Variants in TMEM163 observed in about 807,000 individuals in gnomAD.
TMEM163 encodes the protein transmembrane protein 163.
Under a neutral mutation model 29.3 loss-of-function variants are expected in TMEM163, and 17 were observed. The ratio of observed to expected loss-of-function variants is 0.58; its 90% CI spans 0.40 to 0.87. The LOEUF (loss-of-function observed/expected upper bound fraction) is 0.87. Ranked by LOEUF, TMEM163 falls within the 40% of genes least tolerant of loss-of-function variation. The pLI is 0.00. For synonymous variants in TMEM163, 157 were observed against 160.6 expected, an observed-to-expected ratio of 0.98 and a Z score of 0.17; for missense variants, 303 against 381.5, an observed-to-expected ratio of 0.79 and a Z score of 1.71.
intron 2 of TMEM163, among the ~76,000 whole-genome samples, chr2:134,614,832 C>A (rs949830558): frequency 2.0e-5 from 3 of 151,134 alleles, no homozygotes; most frequent in African/African-American, 7.3e-5. Context: ...CCAGCCTGTG[C>A]GACAGAGTGA....
chr2:134,618,026 A>G (rs567947938), intron 2 of TMEM163, among the ~76,000 whole-genome samples: 65 of 152,220 alleles, frequency 4.3e-4, no homozygotes, highest in African/African-American at 1.5e-3. Context: ...ATGTGGGAGG[A>G]TCACTTGAGC....
intron 2 of TMEM163, among the ~76,000 whole-genome samples, chr2:134,683,347 G>A (rs1684287528): frequency 6.6e-6 from 1 of 151,698 alleles, no homozygotes; most frequent in Non-Finnish European, 1.5e-5. Flanking sequence ...GTTTATGGGG[G>A]CAGAGTATAT....
rs1271684170 is a variant in TMEM163, at chr2:134,652,209, CTT to C, written c.322+60989_322+60990del. Among the ~76,000 whole-genome samples the C allele has an allele frequency of 1.2e-4, 10 of 85,372 alleles. 1 individual carries two copies. The highest frequency in any genetic ancestry group is 5.1e-4 in the African/African-American group (9 of 17,726). The allele number at this position is 85,372 out of a possible 152,430, so 56.0% of individuals were successfully genotyped here. A position where few individuals can be genotyped will look rare whatever the true frequency, so the allele number is the denominator to read the frequency against. ...ATGTTCTTCCATTTGTTTGTATCCT[CTT>C]TTATTTCCTTGAGCAGTGATTTGTA... On this transcript the variant is annotated intron_variant, in intron 2 of 7. Coordinates refer to ENST00000281924, the MANE Select transcript of TMEM163 (RefSeq NM_030923.5).
intron 2 of TMEM163, among the ~76,000 whole-genome samples, chr2:134,575,883 C>T (rs186772637): frequency 2.6e-5 from 4 of 152,122 alleles, no homozygotes; most frequent in Admixed American, 6.5e-5. Context: ...AAAGGACAGG[C>T]CCCAGGAAGA....
At chr2:134,464,614 C>T (rs973462578) in intron 6 of TMEM163, among the ~76,000 whole-genome samples, 4 of 152,096 alleles carry the variant, frequency 2.6e-5, no homozygotes, top group East Asian at 3.9e-4. Context: ...AAGCTGGGGG[C>T]GTCCTCTTGC....
At chr2:134,638,251 G>C (rs1683149288) in intron 2 of TMEM163, among the ~76,000 whole-genome samples, 2 of 152,176 alleles carry the variant, frequency 1.3e-5, no homozygotes, top group Non-Finnish European at 2.9e-5. Context: ...GTGTCCTATT[G>C]ATGGTTATAG....
intron 2 of TMEM163, among the ~76,000 whole-genome samples, chr2:134,627,818 C>A (rs983644297): frequency 6.6e-6 from 1 of 152,022 alleles, no homozygotes; most frequent in Non-Finnish European, 1.5e-5. Flanking sequence ...ATCTATTGTA[C>A]CAATGGAAAT....
intron 2 of TMEM163, among the ~76,000 whole-genome samples, chr2:134,650,322 T>C (rs897470415): frequency 1.3e-5 from 2 of 152,136 alleles, no homozygotes; most frequent in African/African-American, 2.4e-5. Flanking sequence ...AAAAAATCAA[T>C]TGTATCTTCA....
intron 2 of TMEM163, among the ~76,000 whole-genome samples, chr2:134,663,648 T>A (rs1047595023): frequency 1.4e-4 from 21 of 152,244 alleles, no homozygotes; most frequent in African/African-American, 4.6e-4. Context: ...GAATGCTAGA[T>A]GCTCTGCAAG....
intron 6 of TMEM163, among the ~76,000 whole-genome samples, chr2:134,463,565 A>G (rs16830673): frequency 0.084 from 12,754 of 152,108 alleles, 706 homozygotes; most frequent in South Asian, 0.17. Flanking sequence ...GGTGACGGAG[A>G]CCCCAGAAGC....
intron 2 of TMEM163, among the ~76,000 whole-genome samples, chr2:134,587,558 GA>G (rs994527271): frequency 6.6e-6 from 1 of 152,222 alleles, no homozygotes; most frequent in Non-Finnish European, 1.5e-5. Flanking sequence ...AAAGGCCTAA[GA>G]AGACACAAGA....
intron 4 of TMEM163, among the ~76,000 whole-genome samples, chr2:134,549,612 G>A (rs1375202514): frequency 6.6e-6 from 1 of 152,114 alleles, no homozygotes; most frequent in Non-Finnish European, 1.5e-5. Context: ...CCAAAGTGCT[G>A]GAATTACAGG....
Position 134,704,973 on chromosome 2 carries a change from C to T in TMEM163, c.322+8227G>A, listed in dbSNP as rs573795413. Among the ~76,000 whole-genome samples the T allele has an allele frequency of 1.6e-3, 249 of 152,176 alleles. 1 individual carries two copies. Among genetic ancestry groups the T allele is most frequent in the South Asian group, 0.011 (51 of 4,828 alleles). On this transcript the variant is annotated intron_variant, in intron 2 of 7. Coordinates refer to ENST00000281924, the MANE Select transcript of TMEM163 (RefSeq NM_030923.5). Reference sequence around the variant, plus strand: ...CCTGTAATCCCAGTACCTTGGGAGGCTGAGTGGGGGCAGATCACCTGAGGT... The same window carrying T: ...CCTGTAATCCCAGTACCTTGGGAGGTTGAGTGGGGGCAGATCACCTGAGGT...
intron 2 of TMEM163, among the ~76,000 whole-genome samples, chr2:134,648,469 A>G (rs1402848700): frequency 6.6e-6 from 1 of 152,140 alleles, no homozygotes; most frequent in Non-Finnish European, 1.5e-5. Context: ...ACAGTGGGCC[A>G]CAGTTCCAGG....
chr2:134,713,622 C>T (rs565165087), intron 1 of TMEM163: 12 of 523,920 alleles, frequency 2.3e-5, no homozygotes, highest in African/African-American at 1.7e-4. Flanking sequence ...CAGGCCATTC[C>T]TTTGCCCCTG....
intron 2 of TMEM163, among the ~76,000 whole-genome samples, chr2:134,678,618 C>A (rs942609949): frequency 6.6e-6 from 1 of 152,180 alleles, no homozygotes; most frequent in Non-Finnish European, 1.5e-5. Context: ...AATCTTCAGA[C>A]CTGGGCTCAA....
At chr2:134,684,523 G>A (rs1002419608) in intron 2 of TMEM163, among the ~76,000 whole-genome samples, 12 of 152,152 alleles carry the variant, frequency 7.9e-5, no homozygotes, top group Admixed American at 2.6e-4. Flanking sequence ...GGGGCACCTC[G>A]GAGTCTGAGC....
intron 2 of TMEM163, among the ~76,000 whole-genome samples, chr2:134,691,858 T>C (rs920289731): frequency 1.3e-5 from 2 of 152,220 alleles, no homozygotes; most frequent in Non-Finnish European, 2.9e-5. Flanking sequence ...TCTGTATCCT[T>C]GTACAATCCT....
chr2:134,584,831 G>C (rs572300262), intron 2 of TMEM163, among the ~76,000 whole-genome samples: 2 of 152,208 alleles, frequency 1.3e-5, no homozygotes, highest in South Asian at 4.2e-4. Context: ...TGTAAACTTA[G>C]AGTAGTATTT....
Sources: gnomAD v4.1 joint callset for allele counts (sites outside exome capture counted in the v4.1 genomes callset) on GRCh38, gnomAD v4.1.1 for gene constraint, MANE v1.5 for transcripts, NCBI Gene and HGNC (gene_info 2026-07-23, HGNC 2026-07-21) for gene names.